DCDC2C: variants seen among roughly 807,000 people sequenced by gnomAD.
The protein encoded by DCDC2C is doublecortin domain containing 2C.
In DCDC2C, 44 loss-of-function variants were observed where a neutral mutation model predicts 45.0. That is an observed-to-expected ratio of 0.98 (90% confidence interval 0.77 to 1.26). DCDC2C has a LOEUF of 1.26. DCDC2C is among the 50% of genes most tolerant of loss of function. The pLI, the probability that DCDC2C is intolerant of heterozygous loss-of-function variation, is 0.00. For missense variants in DCDC2C, 447 were observed against 468.9 expected (o/e 0.95, Z 0.43); for synonymous variants, 187 against 178.8 (o/e 1.05, Z -0.37).
chr2:3,833,440 T>C (rs2148237145), intron 10 of DCDC2C, among the ~76,000 whole-genome samples: 1 of 152,360 alleles, frequency 6.6e-6, no homozygotes, highest in Admixed American at 6.5e-5. Flanking sequence ...AGTAGGTCTT[T>C]CATTTGCGTC....
intron 10 of DCDC2C, among the ~76,000 whole-genome samples, chr2:3,842,705 C>T (rs1672245767): frequency 6.6e-6 from 1 of 151,234 alleles, no homozygotes; most frequent in African/African-American, 2.4e-5. Context: ...ATTTCTTGAT[C>T]ACAGCAGCCT....
intron 3 of DCDC2C, among the ~76,000 whole-genome samples, chr2:3,738,106 T>C (rs1226959059): frequency 6.6e-6 from 1 of 152,230 alleles, no homozygotes; most frequent in Non-Finnish European, 1.5e-5. Context: ...CTGTCAATAC[T>C]GCTAATTTGT....
intron 10 of DCDC2C, among the ~76,000 whole-genome samples, chr2:3,832,724 C>G (rs1340910736): frequency 6.6e-6 from 1 of 152,208 alleles, no homozygotes; most frequent in Non-Finnish European, 1.5e-5. Context: ...TTAAATGCCT[C>G]TGATGGTGTG....
At chr2:3,757,992 A>G (rs1669767763) in intron 6 of DCDC2C, among the ~76,000 whole-genome samples, 1 of 152,200 alleles carries the variant, frequency 6.6e-6, no homozygotes, top group South Asian at 2.1e-4. Context: ...CCCCAGGAAG[A>G]TGTTTTTATT....
At chr2:3,789,379 A>C (rs1240937916) in intron 10 of DCDC2C, among the ~76,000 whole-genome samples, 2 of 152,084 alleles carry the variant, frequency 1.3e-5, no homozygotes, top group Non-Finnish European at 2.9e-5. Flanking sequence ...ACCAATTCTC[A>C]TCATTGCTCA....
chr2:3,753,736 T>G (rs1669609454), intron 5 of DCDC2C, among the ~76,000 whole-genome samples: 1 of 152,156 alleles, frequency 6.6e-6, no homozygotes, highest in South Asian at 2.1e-4. Context: ...TGCTTGAACC[T>G]CCACTGAGGG....
At chr2:3,723,227 C>T (rs60668143) in intron 2 of DCDC2C, among the ~76,000 whole-genome samples, 2,056 of 152,278 alleles carry the variant, frequency 0.014, 42 homozygotes, top group African/African-American at 0.047. Flanking sequence ...AACACGACAA[C>T]CAGGGTCCCT....
At chr2:3,839,833 T>G (rs1424612923) in intron 10 of DCDC2C, among the ~76,000 whole-genome samples, 1 of 152,250 alleles carries the variant, frequency 6.6e-6, no homozygotes, top group Non-Finnish European at 1.5e-5. Flanking sequence ...ATTTGGCTAC[T>G]GAGTTCAGTT....
chr2:3,768,232 C>A (rs554115632), intron 7 of DCDC2C, among the ~76,000 whole-genome samples: 1 of 151,830 alleles, frequency 6.6e-6, no homozygotes, highest in Middle Eastern at 3.2e-3. Context: ...TAAAAGCCAC[C>A]GAGATTGTTT....
At chr2:3,821,184 C>T (rs1013649537) in intron 10 of DCDC2C, among the ~76,000 whole-genome samples, 4 of 151,976 alleles carry the variant, frequency 2.6e-5, no homozygotes, top group Non-Finnish European at 4.4e-5. Context: ...AGCTTCTGAG[C>T]CAGGAGAAGG....
rs1459361924 is a variant in DCDC2C, at chr2:3,725,820, C to A, written c.340-1183C>A. ...ATGAGTAGAGAGTGATAAGGCTGCT[C>A]GGTGGATCCCAGAGGGAGATGAGCA... On this transcript the variant is annotated intron_variant, in intron 2 of 10. Coordinates refer to ENST00000399143, the MANE Select transcript of DCDC2C (RefSeq NM_001287444.2). 159 of 164,190 alleles carry A rather than the reference C, an allele frequency of 9.7e-4. 2 individuals are homozygous for A. The highest frequency in any genetic ancestry group is 1.7e-3 in the South Asian group (12 of 6,912). The allele number at this position is 164,190 out of a possible 1,614,324, so 10.2% of individuals were successfully genotyped here. A position where few individuals can be genotyped will look rare whatever the true frequency, so the allele number is the denominator to read the frequency against.
rs1300049972 is a variant in DCDC2C at position 3,703,994 on chromosome 2, C to T, written c.243C>T (p.Gly81=). The T allele has an allele frequency of 3.9e-6, 5 of 1,292,618 alleles. No individual in the cohort carries two copies. The East Asian group carries it at 1.3e-4, about 32-fold the overall frequency. The allele number at this position is 1,292,618 out of a possible 1,614,324, so 80.1% of individuals were successfully genotyped here. A position where few individuals can be genotyped will look rare whatever the true frequency, so the allele number is the denominator to read the frequency against. The change falls in exon 1 of 11, where the codon GGC becomes GGT. Residue 81 remains glycine, a synonymous_variant. Transcript: ENST00000399143. The surrounding 1 kb of genome is among the most constrained non-coding windows in gnomAD (Gnocchi z 4.4). ...RVLGLDALQA[G]GKYVAAGRER... ...TGGGGCTGGACGCGCTGCAGGCGGGCGGCAAGTACGTGGCGGCGGGCCGCG... is the reference window on the plus strand; with the variant it reads ...TGGGGCTGGACGCGCTGCAGGCGGGTGGCAAGTACGTGGCGGCGGGCCGCG...
intron 3 of DCDC2C, among the ~76,000 whole-genome samples, 195 bp from the exon 4 acceptor site, chr2:3,741,725 G>T (rs13036216): frequency 1.3e-5 from 2 of 150,134 alleles, no homozygotes; most frequent in South Asian, 4.2e-4. Flanking sequence ...ACACACACGC[G>T]CGCGTCTGTC....
At chr2:3,766,207 C>T (rs751707711) in intron 6 of DCDC2C, among the ~76,000 whole-genome samples, 4 of 152,132 alleles carry the variant, frequency 2.6e-5, no homozygotes, top group East Asian at 3.9e-4. Context: ...TCTGTGCCCT[C>T]GTTACTAGGG....
At chr2:3,736,706 G>C (rs1456794196) in intron 3 of DCDC2C, among the ~76,000 whole-genome samples, 1 of 152,144 alleles carries the variant, frequency 6.6e-6, no homozygotes, top group Non-Finnish European at 1.5e-5. Flanking sequence ...GCAGTGCATT[G>C]TACATTGTAT....
Position 3,784,502 on chromosome 2 carries a change from TTGACTC to T in DCDC2C, c.1024-553_1024-548del, listed in dbSNP as rs1177842616. Among the ~76,000 whole-genome samples, 11 of 151,954 alleles carry T rather than the reference TTGACTC, an allele frequency of 7.2e-5. No individual in the cohort carries two copies. In the East Asian group the frequency reaches 1.7e-3, roughly 24 times the overall value. Reference sequence around the variant, plus strand: ...AGGGACAGGAAGAGAGAGAGGGAGATTGACTCTGATTTTGGGGTGATGATTTTCTCT... The same window carrying T: ...AGGGACAGGAAGAGAGAGAGGGAGATTGATTTTGGGGTGATGATTTTCTCT... On this transcript the variant is annotated intron_variant, in intron 9 of 10. Transcript: ENST00000399143.
rs13393725 is a variant in DCDC2C, at chr2:3,829,732, G to A, written c.1066-17422G>A. ...TGCTCATTTTCCCTGCTGTTTTTAT[G>A]ATTTTCGTTAAGACCACCCCAAGCA... On this transcript the variant is annotated intron_variant, in intron 10 of 10. Transcript: ENST00000399143. Among the ~76,000 whole-genome samples, 887 of 152,170 alleles carry A rather than the reference G, an allele frequency of 5.8e-3. 6 individuals carry two copies. Among genetic ancestry groups the A allele is most frequent in the African/African-American group, 0.02 (846 of 41,526 alleles).
At chr2:3,843,220 A>G (rs950797997) in intron 10 of DCDC2C, among the ~76,000 whole-genome samples, 5 of 152,194 alleles carry the variant, frequency 3.3e-5, no homozygotes, top group Admixed American at 6.5e-5. Flanking sequence ...AGGGACCCAG[A>G]CAGGAAGTGA....
chr2:3,754,552 C>G (rs933152446), intron 5 of DCDC2C, 40 bp from the exon 6 acceptor site: 2 of 1,543,682 alleles, frequency 1.3e-6, no homozygotes, highest in Admixed American at 2.0e-5. Context: ...AACTTAGGGC[C>G]GGGCTTTACA....
Sources: allele counts gnomAD v4.1 joint callset (sites outside exome capture counted in the v4.1 genomes callset), GRCh38; gene constraint gnomAD v4.1.1; non-coding constraint Gnocchi (gnomAD v3.1); transcripts MANE v1.5; gene names NCBI Gene and HGNC (gene_info 2026-07-23, HGNC 2026-07-21).